Variants in ADAM22 observed in about 807,000 individuals in gnomAD.
The protein encoded by ADAM22 is disintegrin and metalloproteinase domain-containing protein 22.
In ADAM22, 65 loss-of-function variants were observed where a neutral mutation model predicts 144.6. The observed-to-expected ratio is 0.45, with a 90% CI of 0.37 to 0.55. ADAM22 has a LOEUF of 0.55. Among genes scored for constraint, ADAM22 ranks in the 20% least tolerant of loss-of-function variants. ADAM22 has a pLI of 0.00. For synonymous variants in ADAM22, 391 were observed against 412.6 expected, an observed-to-expected ratio of 0.95 and a Z score of 0.63; for missense variants, 974 against 1,184.9, an observed-to-expected ratio of 0.82 and a Z score of 2.61.
intron 4 of ADAM22, among the ~76,000 whole-genome samples, chr7:88,097,874 A>G (rs1821851655): frequency 6.6e-6 from 1 of 152,186 alleles, no homozygotes; most frequent in African/African-American, 2.4e-5. Context: ...GTACAATGAT[A>G]TAGTGGTTTC....
chr7:87,996,582 C>CA, intron 3 of ADAM22, among the ~76,000 whole-genome samples: 1 of 152,164 alleles, frequency 6.6e-6, no homozygotes, highest in Non-Finnish European at 1.5e-5. Flanking sequence ...GCATTCAGTT[C>CA]ATAACACTGA....
chr7:88,056,426 G>A (rs1365882006), intron 3 of ADAM22, among the ~76,000 whole-genome samples: 1 of 152,140 alleles, frequency 6.6e-6, no homozygotes, highest in African/African-American at 2.4e-5. Context: ...TTAACATGAA[G>A]CCTTACCATT....
At chr7:88,192,653 A>G (rs1322324778) in intron 30 of ADAM22, among the ~76,000 whole-genome samples, 1 of 152,214 alleles carries the variant, frequency 6.6e-6, no homozygotes, top group Admixed American at 6.5e-5. Flanking sequence ...CTGGTGTGTG[A>G]TTTAGCAACT....
chr7:88,185,279 C>T (rs1274225247), intron 29 of ADAM22, among the ~76,000 whole-genome samples: 1 of 152,134 alleles, frequency 6.6e-6, no homozygotes, highest in Non-Finnish European at 1.5e-5. Context: ...CTGAACCCTT[C>T]TTTCAGAAGG....
chr7:88,199,940 G>A lies in ADAM22; in HGVS notation c.*3449G>A, dbSNP rs1851054019. 3 of 152,164 alleles carry A rather than the reference G, an allele frequency of 2.0e-5. No individual in the cohort carries two copies. The South Asian group carries it at 6.2e-4, about 32-fold the overall frequency. 9.4% of individuals were successfully genotyped at this position (152,164 alleles called of 1,614,324 possible). A position where few individuals can be genotyped will look rare whatever the true frequency, so the allele number is the denominator to read the frequency against. ...AGAAGTTGTCAGAAAGACAAAATTG[G>A]ATATTCTCTGCACTTTCAGAGAAGG... On this transcript the variant is annotated 3_prime_UTR_variant, in exon 32 of 32. Transcript: ENST00000413139.
At chr7:87,957,637 A>G (rs764137930) in intron 2 of ADAM22, among the ~76,000 whole-genome samples, 3 of 151,994 alleles carry the variant, frequency 2.0e-5, no homozygotes, top group African/African-American at 4.8e-5. Context: ...CTGGAATGCA[A>G]TGGTGCCATC....
At chr7:87,934,983 G>T (rs1202443462) in intron 1 of ADAM22, 43 bp from the exon 2 acceptor site, 5 of 1,613,222 alleles carry the variant, frequency 3.1e-6, no homozygotes, top group Non-Finnish European at 4.2e-6. Flanking sequence ...CATTATTTTC[G>T]CCTTTTCTCT....
intron 30 of ADAM22, among the ~76,000 whole-genome samples, chr7:88,187,934 G>T (rs1158662602): frequency 6.6e-6 from 1 of 151,362 alleles, no homozygotes; most frequent in Non-Finnish European, 1.5e-5. Context: ...TTTCCCTCCT[G>T]CCCTGTCCCT....
At chr7:88,146,997 T>C (rs1341016161) in intron 17 of ADAM22, among the ~76,000 whole-genome samples, 2 of 152,234 alleles carry the variant, frequency 1.3e-5, no homozygotes, top group African/African-American at 4.8e-5. Flanking sequence ...TCCTGAATTA[T>C]TTATCTTAAT....
chr7:88,087,993 T>C (rs1050400689), intron 4 of ADAM22, among the ~76,000 whole-genome samples: 1 of 151,818 alleles, frequency 6.6e-6, no homozygotes, highest in Non-Finnish European at 1.5e-5. Context: ...AGCAAAGGAG[T>C]GCGGGCCACC....
intron 4 of ADAM22, among the ~76,000 whole-genome samples, chr7:88,101,077 A>C (rs1241926141): frequency 2.6e-5 from 4 of 151,554 alleles, no homozygotes; most frequent in African/African-American, 9.7e-5. Flanking sequence ...AGAGGTTCCC[A>C]ACTATGGTAG....
intron 5 of ADAM22, among the ~76,000 whole-genome samples, chr7:88,110,653 T>C (rs1563236306): frequency 1.3e-5 from 2 of 150,238 alleles, no homozygotes; most frequent in South Asian, 4.2e-4. Flanking sequence ...TTCTTTTCTT[T>C]TCTTTTTTTT....
chr7:88,180,810 A>G (rs1846824591), intron 27 of ADAM22, among the ~76,000 whole-genome samples: 1 of 152,014 alleles, frequency 6.6e-6, no homozygotes, highest in Non-Finnish European at 1.5e-5. Context: ...AGGTGTGTAA[A>G]TTTTGCTTCT....
chr7:87,991,647 T>G (rs1789920798), intron 3 of ADAM22, among the ~76,000 whole-genome samples: 1 of 151,826 alleles, frequency 6.6e-6, no homozygotes, highest in Non-Finnish European at 1.5e-5. Flanking sequence ...ATTACAGGCG[T>G]GAGCCACCGC....
intron 17 of ADAM22, among the ~76,000 whole-genome samples, chr7:88,147,712 C>CA (rs1563325704): frequency 6.6e-6 from 1 of 152,100 alleles, no homozygotes. Context: ...GCACTTAGTG[C>CA]AAATCCTCCC....
chr7:88,114,379 G>A (rs1827197635), intron 5 of ADAM22, among the ~76,000 whole-genome samples: 1 of 152,078 alleles, frequency 6.6e-6, no homozygotes, highest in African/African-American at 2.4e-5. Flanking sequence ...GGTCAGGTGA[G>A]GATGAGGTGA....
At chr7:88,101,087 G>C (rs1336897403) in intron 4 of ADAM22, among the ~76,000 whole-genome samples, 1 of 151,628 alleles carries the variant, frequency 6.6e-6, no homozygotes, top group Non-Finnish European at 1.5e-5. Flanking sequence ...AACTATGGTA[G>C]CATATTGGAA....
intron 30 of ADAM22, among the ~76,000 whole-genome samples, chr7:88,188,202 T>C (rs1369039722): frequency 6.6e-6 from 1 of 152,142 alleles, no homozygotes; most frequent in East Asian, 1.9e-4. Context: ...TTAGGGCTTT[T>C]ATTCCCAAAT....
At chr7:87,955,580 C>T (rs1233954317) in intron 2 of ADAM22, among the ~76,000 whole-genome samples, 1 of 152,188 alleles carries the variant, frequency 6.6e-6, no homozygotes, top group Non-Finnish European at 1.5e-5. Context: ...GCTCAGGGGT[C>T]AGGAGTCACA....
Sources: gnomAD v4.1 joint callset for allele counts (sites outside exome capture counted in the v4.1 genomes callset) on GRCh38, gnomAD v4.1.1 for gene constraint, MANE v1.5 for transcripts, NCBI Gene and HGNC (gene_info 2026-07-23, HGNC 2026-07-21) for gene names.